Variants in ERBB4 observed in about 807,000 individuals in gnomAD.
ERBB4 encodes receptor tyrosine-protein kinase erbB-4.
Under a neutral mutation model 158.0 loss-of-function variants are expected in ERBB4, and 42 were observed. The ratio of observed to expected loss-of-function variants is 0.27; its 90% CI spans 0.21 to 0.34. The LOEUF is 0.34. Among genes scored for constraint, ERBB4 ranks in the 10% least tolerant of loss-of-function variants. The pLI is 1.00. For synonymous variants in ERBB4, 583 were observed against 558.7 expected (o/e 1.04, Z -0.61); for missense variants, 1,333 against 1,624.1 (o/e 0.82, Z 3.08).
intron 1 of ERBB4, chr2:212,426,277 T>C (rs1039310839): frequency 4.2e-6 from 2 of 479,346 alleles, no homozygotes; most frequent in Non-Finnish European, 4.2e-6. Flanking sequence ...AAATATTAGG[T>C]TGGTGCAAAA....
chr2:212,315,982 A>G (rs996549799), intron 1 of ERBB4, among the ~76,000 whole-genome samples: 1 of 151,510 alleles, frequency 6.6e-6, no homozygotes, highest in Non-Finnish European at 1.5e-5. Context: ...CTCACCAAAT[A>G]TATGAGGAAG....
chr2:211,898,128 GAGTT>G (rs1023815041), intron 3 of ERBB4, among the ~76,000 whole-genome samples: 28 of 151,878 alleles, frequency 1.8e-4, no homozygotes, highest in African/African-American at 6.3e-4. Flanking sequence ...CACATTTTAA[GAGTT>G]AGTCAGTAGC....
At chr2:212,413,222 G>A (rs13008281) in intron 1 of ERBB4, among the ~76,000 whole-genome samples, 26,562 of 145,026 alleles carry the variant, frequency 0.18, 2,788 homozygotes, top group Non-Finnish European at 0.24. Context: ...TCCTGACCTC[G>A]TGATCCGCCC....
chr2:211,943,663 C>A (rs1040706909), intron 3 of ERBB4, among the ~76,000 whole-genome samples: 8 of 152,060 alleles, frequency 5.3e-5, no homozygotes, highest in African/African-American at 1.9e-4. Flanking sequence ...CTGCCTCTTT[C>A]CCCCTCTACT....
intron 20 of ERBB4, among the ~76,000 whole-genome samples, chr2:211,453,636 G>A (rs1201791924): frequency 2.0e-5 from 3 of 152,064 alleles, no homozygotes; most frequent in Non-Finnish European, 4.4e-5. Context: ...GCTTTGGATC[G>A]TAACTCCATA....
intron 20 of ERBB4, among the ~76,000 whole-genome samples, chr2:211,543,273 TTA>T (rs1431320806): frequency 6.6e-6 from 1 of 151,978 alleles, no homozygotes; most frequent in African/African-American, 2.4e-5. Context: ...TTTGAGAATA[TTA>T]TTTCTGTGGG....
At chr2:212,296,406 A>T (rs576784958) in intron 1 of ERBB4, among the ~76,000 whole-genome samples, 1 of 152,068 alleles carries the variant, frequency 6.6e-6, no homozygotes, top group Non-Finnish European at 1.5e-5. Context: ...ATCTAAAAAA[A>T]AAAGACATTG....
At chr2:212,177,868 G>A (rs935712910) in intron 1 of ERBB4, among the ~76,000 whole-genome samples, 10 of 151,792 alleles carry the variant, frequency 6.6e-5, no homozygotes, top group African/African-American at 2.2e-4. Context: ...CCAGAAGAGG[G>A]GGTCATGGAG....
intron 19 of ERBB4, among the ~76,000 whole-genome samples, chr2:211,572,098 C>T (rs1329428617): frequency 6.6e-6 from 1 of 152,152 alleles, no homozygotes; most frequent in Non-Finnish European, 1.5e-5. Context: ...CTACATCTTT[C>T]TGTGTCTTTT....
chr2:212,453,461 G>A (rs1688108845), intron 1 of ERBB4, among the ~76,000 whole-genome samples: 1 of 152,226 alleles, frequency 6.6e-6, no homozygotes, highest in Admixed American at 6.5e-5. Flanking sequence ...AATAACACAT[G>A]ATCAACATTG....
chr2:212,007,873 G>A (rs759464453), intron 2 of ERBB4, among the ~76,000 whole-genome samples: 1 of 151,850 alleles, frequency 6.6e-6, no homozygotes, highest in African/African-American at 2.4e-5. Flanking sequence ...AAAAAGTCAA[G>A]GGTCTTCCTT....
At chr2:211,948,700 G>T (rs1477922128) in intron 2 of ERBB4, among the ~76,000 whole-genome samples, 1 of 151,602 alleles carries the variant, frequency 6.6e-6, no homozygotes. Context: ...TCAAGTATTT[G>T]GTATTATTTT....
intron 20 of ERBB4, among the ~76,000 whole-genome samples, chr2:211,527,812 G>T (rs987349266): frequency 6.6e-6 from 1 of 151,928 alleles, no homozygotes; most frequent in Admixed American, 6.6e-5. Context: ...ATGATAACAG[G>T]TTATCTGTAA....
intron 2 of ERBB4, among the ~76,000 whole-genome samples, chr2:212,019,592 A>G (rs992664659): frequency 1.3e-5 from 2 of 151,740 alleles, no homozygotes; most frequent in African/African-American, 4.8e-5. Context: ...GTGAAACCCC[A>G]TCTCTACTAA....
intron 1 of ERBB4, among the ~76,000 whole-genome samples, chr2:212,354,853 G>GT (rs1443039691): frequency 3.0e-4 from 46 of 151,036 alleles, no homozygotes; most frequent in South Asian, 1.9e-3. Flanking sequence ...ATATCTGCTG[G>GT]TTCTTTTTTT....
intron 20 of ERBB4, among the ~76,000 whole-genome samples, chr2:211,558,663 T>C (rs1478692966): frequency 6.6e-6 from 1 of 151,936 alleles, no homozygotes; most frequent in Non-Finnish European, 1.5e-5. Flanking sequence ...ATTCAGAGGC[T>C]AAACAACACA....
intron 1 of ERBB4, among the ~76,000 whole-genome samples, chr2:212,355,923 T>C (rs568883439): frequency 3.3e-5 from 5 of 152,050 alleles, no homozygotes; most frequent in African/African-American, 1.2e-4. Flanking sequence ...AGGAAGTTAG[T>C]CATGTCATTT....
At chr2:211,636,613 C>T (rs1193612328) in intron 16 of ERBB4, among the ~76,000 whole-genome samples, 2 of 151,878 alleles carry the variant, frequency 1.3e-5, no homozygotes, top group Non-Finnish European at 2.9e-5. Flanking sequence ...CTTTTACTCT[C>T]CAAAGTGCCT....
At chr2:212,104,185 T>C (rs1473703102) in intron 2 of ERBB4, among the ~76,000 whole-genome samples, 2 of 152,080 alleles carry the variant, frequency 1.3e-5, no homozygotes, top group East Asian at 1.9e-4. Flanking sequence ...CATATAATAA[T>C]AATTTGATTG....
Sources: allele counts gnomAD v4.1 joint callset (sites outside exome capture counted in the v4.1 genomes callset), GRCh38; gene constraint gnomAD v4.1.1; transcripts MANE v1.5; gene names NCBI Gene and HGNC (gene_info 2026-07-23, HGNC 2026-07-21).